Variants in DHX38 observed in about 807,000 individuals in gnomAD.
DHX38 encodes the protein DEAH-box helicase 38.
DHX38 carries 100 observed loss-of-function variants against 153.1 expected under a neutral mutation model. That is an observed-to-expected ratio of 0.65 (90% CI 0.56 to 0.77). DHX38 has a LOEUF of 0.77. Among genes scored for constraint, DHX38 ranks in the 30% least tolerant of loss-of-function variants. DHX38 has a pLI of 0.00. For missense variants in DHX38, 1,440 were observed against 1,654.0 expected (o/e 0.87, Z 2.24); for synonymous variants, 650 against 631.7 (o/e 1.03, Z -0.43).
chr16:72,101,476 C>T (rs1177304340), intron 10 of DHX38, 24 bp from the exon 11 acceptor site: 2 of 1,545,082 alleles, frequency 1.3e-6, no homozygotes, highest in Non-Finnish European at 1.8e-6. Flanking sequence ...CAGGATGGAG[C>T]AGACTGACCT....
intron 23 of DHX38, 52 bp from the exon 24 acceptor site, chr16:72,108,748 C>G: frequency 6.2e-7 from 1 of 1,601,872 alleles, no homozygotes; most frequent in Non-Finnish European, 8.5e-7. Flanking sequence ...GGGTCGCTGC[C>G]CAAATGGGTG....
At chr16:72,109,141 C>T (rs370471629) in intron 24 of DHX38, among the ~76,000 whole-genome samples, 4 of 152,268 alleles carry the variant, frequency 2.6e-5, no homozygotes, top group East Asian at 3.9e-4. Context: ...TGCATGGGCA[C>T]GATTGTTCCC....
At chr16:72,100,170 C>G (rs2042080957) in intron 8 of DHX38, among the ~76,000 whole-genome samples, 1 of 152,166 alleles carries the variant, frequency 6.6e-6, no homozygotes, top group South Asian at 2.1e-4. Flanking sequence ...CTTTGTGTCT[C>G]TGATGTGGGC....
intron 19 of DHX38, 37 bp downstream of exon 19, chr16:72,106,154 G>A (rs376812552): frequency 1.9e-6 from 3 of 1,596,148 alleles, no homozygotes; most frequent in African/African-American, 1.3e-5. Flanking sequence ...CTGGGGCAGC[G>A]CTGGGGTTGC....
chr16:72,098,282 A>G (rs2042048598), intron 4 of DHX38, among the ~76,000 whole-genome samples: 1 of 151,900 alleles, frequency 6.6e-6, no homozygotes, highest in African/African-American at 2.4e-5. Flanking sequence ...AAAATACAAA[A>G]ATTAGCCTGG....
At chr16:72,095,802 AC>A (rs2042006268) in intron 1 of DHX38, among the ~76,000 whole-genome samples, 1 of 152,106 alleles carries the variant, frequency 6.6e-6, no homozygotes, top group Admixed American at 6.5e-5. Flanking sequence ...CATCCCTGTT[AC>A]AGCTGCTGAC....
rs576666024 is a variant in DHX38 at position 72,101,314 on chromosome 16, C to T, written c.1386+121C>T. On this transcript the variant is annotated intron_variant, in intron 10 of 26. Coordinates refer to ENST00000268482, the MANE Select transcript of DHX38 (RefSeq NM_014003.4). ...GAGTCCCCTCTATCAAGTCCTTAGG[C>T]CCGACAGCTGCGGGGCCTGGTGTTG... 62 of 1,228,014 alleles carry T rather than the reference C, an allele frequency of 5.0e-5. No individual in the cohort carries two copies. The African/African-American group carries it at 8.9e-4, about 18-fold the overall frequency. 76.1% of individuals were successfully genotyped at this position (1,228,014 alleles called of 1,614,324 possible).
chr16:72,111,828 T>C (rs1337113772), intron 26 of DHX38, among the ~76,000 whole-genome samples: 1 of 152,196 alleles, frequency 6.6e-6, no homozygotes, highest in Non-Finnish European at 1.5e-5. Flanking sequence ...GACTGAATCA[T>C]TGTCATGTGG....
chr16:72,098,157 G>C (rs2042047151), intron 4 of DHX38, among the ~76,000 whole-genome samples: 1 of 152,218 alleles, frequency 6.6e-6, no homozygotes, highest in Non-Finnish European at 1.5e-5. Context: ...CATTGGCTAG[G>C]TGCAGTGGCT....
In DHX38 at chr16:72,101,194, G is replaced by A; in HGVS notation, c.1386+1G>A. 1.2e-6 allele frequency: 2 copies of A among 1,614,132 alleles called. No individual in the cohort carries two copies. The highest frequency in any genetic ancestry group is 1.7e-6 in the Non-Finnish European group (2 of 1,180,008). ...CAGGGAGCAGAAGGAGCGCAAGAAG[G>A]TTGGTTTCTTGGTTTCGTGGCTGGG... On this transcript the variant is annotated splice_donor_variant, in intron 10 of 26. Coordinates refer to ENST00000268482, the MANE Select transcript of DHX38 (RefSeq NM_014003.4). LOFTEE classifies it high-confidence loss of function.
Position 72,098,927 on chromosome 16 carries a change from G to A in DHX38, c.765G>A (p.Arg255=), listed in dbSNP as rs762133414. ...SHRLSTRDRD[R]SVRGKYSDDT... ...GTGATGCTGGTGCTGCTGTTCCCAG[G>A]TCTGTGAGGGGCAAGTACTCGGATG... Residue 255 remains arginine (R), a splice_region_variant and synonymous_variant, in exon 6 of 27, where the codon AGG becomes AGA. Coordinates refer to ENST00000268482, the MANE Select transcript of DHX38 (RefSeq NM_014003.4). 1.2e-6 allele frequency: 2 copies of A among 1,614,228 alleles called. No homozygotes were observed. The highest frequency in any genetic ancestry group is 2.2e-5 in the South Asian group (2 of 91,088).
chr16:72,096,919 G>A lies in DHX38; in HGVS notation c.421G>A (p.Glu141Lys). The change falls in exon 3 of 27, where the codon GAA becomes AAA. Residue 141 changes from glutamate to lysine, a missense_variant. By Grantham distance (56) the Glu-to-Lys change is moderately conservative. This residue lies in a region of DHX38 where 483 missense variants were observed against 465.1 expected (regional missense o/e 1.04). Coordinates refer to ENST00000268482, the MANE Select transcript of DHX38 (RefSeq NM_014003.4). Reference protein sequence around the residue: ...RSRQRERERREHGVYASSKEE... With the variant: ...RSRQRERERRKHGVYASSKEE... ...TCGGCAGAGAGAGCGGGAGCGGCGG[G>A]AACATGGTGTCTATGCCTCGTCCAA... 6.2e-7 allele frequency: 1 copy of A among 1,614,042 alleles called. No individual in the cohort carries two copies. The highest frequency in any genetic ancestry group is 8.5e-7 in the Non-Finnish European group (1 of 1,179,960).
In DHX38 at chr16:72,098,632, T is replaced by C. The variant is rs1156860534; in HGVS notation, c.617-13T>C. ...GTGAGATGTTTCCTGTGGATGTGTC[T>C]TTTGTGGCCCAGATGCAGCCACCCC... On this transcript the variant is annotated splice_polypyrimidine_tract_variant and intron_variant, in intron 4 of 26. Coordinates refer to ENST00000268482, the MANE Select transcript of DHX38 (RefSeq NM_014003.4). The C allele has an allele frequency of 6.2e-7, 1 of 1,613,074 alleles. No individual in the cohort carries two copies. The highest frequency in any genetic ancestry group is 1.3e-5 in the African/African-American group (1 of 74,914).
In DHX38 at chr16:72,099,720, C is replaced by G. The variant is rs2144141007; in HGVS notation, c.961-12C>G. 6.2e-7 allele frequency: 1 copy of G among 1,613,902 alleles called. No homozygotes were observed. The highest frequency in any genetic ancestry group is 1.7e-4 in the Middle Eastern group (1 of 6,056). ...TGTCCCTCACTCCCTTGCTTTGCCT[C>G]CTGCCCTGCAGCAAGCCGATCGGGA... On this transcript the variant is annotated splice_polypyrimidine_tract_variant and intron_variant, in intron 7 of 26. Coordinates refer to ENST00000268482, the MANE Select transcript of DHX38 (RefSeq NM_014003.4).
Position 72,104,374 on chromosome 16 carries a change from G to C in DHX38, c.2011-112G>C. The C allele has an allele frequency of 7.0e-7, 1 of 1,433,330 alleles. No individual in the cohort carries two copies. The highest frequency in any genetic ancestry group is 2.1e-5 in the Admixed American group (1 of 46,838). The allele number at this position is 1,433,330 out of a possible 1,614,324, so 88.8% of individuals were successfully genotyped here. A position where few individuals can be genotyped will look rare whatever the true frequency, so the allele number is the denominator to read the frequency against. ...CTTCATGATTGGTAAGAATTGAATA[G>C]GCCCATTTGTCAGCTTTGGCTTGTG... On this transcript the variant is annotated intron_variant, in intron 14 of 26. Transcript: ENST00000268482. This position sits in a 1 kb window ranked among gnomAD's most constrained non-coding sequence, Gnocchi z 4.5.
At chr16:72,095,427 T>C (rs569574023) in intron 1 of DHX38, among the ~76,000 whole-genome samples, 25 of 152,360 alleles carry the variant, frequency 1.6e-4, no homozygotes, top group African/African-American at 6.0e-4. Flanking sequence ...GGTAGCCTTC[T>C]GCCCCATCTC....
Position 72,112,556 on chromosome 16 carries a change from G to A in DHX38, c.*59G>A. On this transcript the variant is annotated 3_prime_UTR_variant, in exon 27 of 27. Transcript: ENST00000268482. Reference sequence around the variant, plus strand: ...TATTGGGTCCTCAGCCTTCTGGCGGGAGCCCTGAGGCTGCGGACAAAGCCC... The same window carrying A: ...TATTGGGTCCTCAGCCTTCTGGCGGAAGCCCTGAGGCTGCGGACAAAGCCC... The A allele has an allele frequency of 6.4e-7, 1 of 1,569,908 alleles. No individual in the cohort carries two copies. The highest frequency in any genetic ancestry group is 8.7e-7 in the Non-Finnish European group (1 of 1,147,792).
At position 72,112,428 on chromosome 16, in the gene DHX38, C is replaced by T. The variant is rs1336959862; in HGVS notation, c.3615C>T (p.Tyr1205=). The T allele has an allele frequency of 6.2e-7, 1 of 1,609,964 alleles. No homozygotes were observed. The highest frequency in any genetic ancestry group is 2.2e-5 in the East Asian group (1 of 44,878). Residue 1205 remains tyrosine, a synonymous_variant, in exon 27 of 27, where the codon TAC becomes TAT. Transcript: ENST00000268482. ...GTGTCTCCAGGTCTACGAAGATCTA[C>T]ACTCCAGGCCGGAAAGAGCAAGGGG... The part of the protein sequence containing the change: ...PLGSVRSTKI[Y]TPGRKEQGEP...
At chr16:72,099,543 T>G (rs1314342138) in intron 7 of DHX38, among the ~76,000 whole-genome samples, 189 bp from the exon 8 acceptor site, 1 of 134,146 alleles carries the variant, frequency 7.5e-6, no homozygotes, top group East Asian at 2.0e-4. Context: ...CCTCCAGTCC[T>G]GTGTAGTTGC....
Sources: allele counts gnomAD v4.1 joint callset (sites outside exome capture counted in the v4.1 genomes callset), GRCh38; gene constraint gnomAD v4.1.1; regional missense constraint gnomAD v4.1.1; non-coding constraint Gnocchi (gnomAD v3.1); transcripts MANE v1.5; gene names NCBI Gene and HGNC (gene_info 2026-07-23, HGNC 2026-07-21).